PTPN1: variants seen among roughly 807,000 people sequenced by gnomAD.
PTPN1 encodes the protein protein tyrosine phosphatase non-receptor type 1.
PTPN1 carries 12 observed loss-of-function variants against 59.9 expected under a neutral mutation model. The observed-to-expected ratio is 0.20, with a 90% CI of 0.13 to 0.32. The LOEUF is 0.32. PTPN1 is among the 10% of genes least tolerant of loss of function. PTPN1 has a pLI of 1.00. For synonymous variants in PTPN1, 178 were observed against 203.6 expected, an observed-to-expected ratio of 0.87 and a Z score of 1.07; for missense variants, 356 against 549.2, an observed-to-expected ratio of 0.65 and a Z score of 3.52.
chr20:50,574,741 C>T, intron 5 of PTPN1, 87 bp downstream of exon 5: 1 of 1,475,736 alleles, frequency 6.8e-7, no homozygotes, highest in Non-Finnish European at 9.2e-7. Flanking sequence ...TACCTAATGT[C>T]AGTGTTCCTG....
rs2082855683 is a variant in PTPN1 at position 50,579,692 on chromosome 20, G to A, written c.865-11G>A. The A allele has an allele frequency of 6.2e-7, 1 of 1,606,984 alleles. No homozygotes were observed. Among genetic ancestry groups the A allele is most frequent in the Admixed American group, 1.7e-5 (1 of 59,940 alleles). On this transcript the variant is annotated splice_polypyrimidine_tract_variant and intron_variant, in intron 7 of 9. Transcript: ENST00000371621. ...AACACTAATAGGACTTCCTCTTGCT[G>A]CTCTTTCAAGGATCAGTGGAAGGAG...
intron 1 of PTPN1, among the ~76,000 whole-genome samples, chr20:50,512,831 A>G (rs1360855934): frequency 6.6e-6 from 1 of 152,244 alleles, no homozygotes; most frequent in Non-Finnish European, 1.5e-5. Context: ...TTATTTTTCA[A>G]GGATTCAAAG....
chr20:50,533,597 C>T (rs1010246196), intron 1 of PTPN1, among the ~76,000 whole-genome samples: 3 of 152,088 alleles, frequency 2.0e-5, no homozygotes, highest in Non-Finnish European at 2.9e-5. Flanking sequence ...GCTGGCTCGT[C>T]GAGAGCTGGA....
chr20:50,553,904 A>G (rs140280433), intron 1 of PTPN1, among the ~76,000 whole-genome samples: 28 of 152,348 alleles, frequency 1.8e-4, no homozygotes, highest in East Asian at 1.7e-3. Flanking sequence ...AACAGCATCT[A>G]TATGAGAATA....
At chr20:50,549,200 C>G (rs2082690500) in intron 1 of PTPN1, among the ~76,000 whole-genome samples, 1 of 152,082 alleles carries the variant, frequency 6.6e-6, no homozygotes, top group Admixed American at 6.6e-5. Flanking sequence ...TATTCTCATG[C>G]TGTTTTTGAG....
At chr20:50,545,158 G>A (rs1312866128) in intron 1 of PTPN1, among the ~76,000 whole-genome samples, 1 of 151,998 alleles carries the variant, frequency 6.6e-6, no homozygotes, top group Non-Finnish European at 1.5e-5. Context: ...TATTGCCTAT[G>A]TTGTCTAGGC....
chr20:50,525,611 G>T (rs1205273186), intron 1 of PTPN1, among the ~76,000 whole-genome samples: 13 of 105,946 alleles, frequency 1.2e-4, no homozygotes, highest in Non-Finnish European at 2.3e-4. Flanking sequence ...TCCTGGATTT[G>T]ATTTTTTTTT....
At chr20:50,577,555 C>G (rs1022558238) in intron 5 of PTPN1, 2 of 152,324 alleles carry the variant, frequency 1.3e-5, no homozygotes, top group Non-Finnish European at 2.9e-5. Context: ...CGTACTCCCC[C>G]CAGTGAGGGC....
intron 1 of PTPN1, among the ~76,000 whole-genome samples, chr20:50,544,026 A>C (rs1166334571): frequency 2.0e-5 from 3 of 151,874 alleles, no homozygotes. Flanking sequence ...TTGTATTTTT[A>C]GTAGAGACAG....
At chr20:50,532,922 A>G (rs1460003214) in intron 1 of PTPN1, among the ~76,000 whole-genome samples, 6 of 152,198 alleles carry the variant, frequency 3.9e-5, no homozygotes, top group Middle Eastern at 3.2e-3. Flanking sequence ...GTTGGAGATC[A>G]GTAGCTTCCA....
At chr20:50,541,891 C>T (rs1172213018) in intron 1 of PTPN1, among the ~76,000 whole-genome samples, 1 of 152,172 alleles carries the variant, frequency 6.6e-6, no homozygotes, top group Non-Finnish European at 1.5e-5. Flanking sequence ...TTCCTTTGCA[C>T]CAGATGTGAC....
At chr20:50,544,140 G>A (rs1601399009) in intron 1 of PTPN1, among the ~76,000 whole-genome samples, 1 of 151,166 alleles carries the variant, frequency 6.6e-6, no homozygotes, top group Non-Finnish European at 1.5e-5. Flanking sequence ...CACCGCGCCT[G>A]GACTAAATTG....
At chr20:50,574,760 A>G in intron 5 of PTPN1, 106 bp downstream of exon 5, 1 of 1,396,352 alleles carries the variant, frequency 7.2e-7, no homozygotes, top group Non-Finnish European at 9.8e-7. Flanking sequence ...TGGCTTTTGT[A>G]TACCCCGAGC....
intron 1 of PTPN1, among the ~76,000 whole-genome samples, chr20:50,522,267 T>C (rs1288060870): frequency 6.6e-6 from 1 of 152,240 alleles, no homozygotes; most frequent in Non-Finnish European, 1.5e-5. Context: ...TTCTGTCCCA[T>C]GTTCAGTTAT....
intron 1 of PTPN1, among the ~76,000 whole-genome samples, chr20:50,523,400 G>C (rs1351837541): frequency 1.3e-5 from 2 of 152,212 alleles, no homozygotes; most frequent in Non-Finnish European, 2.9e-5. Context: ...CAGTGTTTTA[G>C]CACTCCGGGA....
chr20:50,528,442 A>G (rs1023928703), intron 1 of PTPN1, among the ~76,000 whole-genome samples: 3 of 152,196 alleles, frequency 2.0e-5, no homozygotes, highest in South Asian at 2.1e-4. Context: ...GGCCAGTCGC[A>G]GTGGCTCATA....
intron 1 of PTPN1, among the ~76,000 whole-genome samples, chr20:50,533,445 C>T (rs553130057): frequency 3.0e-4 from 45 of 151,180 alleles, no homozygotes; most frequent in Admixed American, 1.3e-3. Context: ...CTGCCCCCTG[C>T]CCCCCGCCCC....
intron 5 of PTPN1, chr20:50,574,928 C>T (rs1346498391): frequency 1.1e-5 from 4 of 379,640 alleles, no homozygotes; most frequent in Admixed American, 1.0e-4. Context: ...CTGGTTCCTG[C>T]TTGTGCAGCT....
chr20:50,566,540 C>G (rs1056045355), intron 3 of PTPN1, among the ~76,000 whole-genome samples: 4 of 152,026 alleles, frequency 2.6e-5, no homozygotes, highest in African/African-American at 9.7e-5. Flanking sequence ...GCAGCCTGAC[C>G]CCAAAGCATC....
Sources: gnomAD v4.1 joint callset for allele counts (sites outside exome capture counted in the v4.1 genomes callset) on GRCh38, gnomAD v4.1.1 for gene constraint, MANE v1.5 for transcripts, NCBI Gene and HGNC (gene_info 2026-07-23, HGNC 2026-07-21) for gene names.